DSCAM: variants seen among roughly 807,000 people sequenced by gnomAD.
DSCAM encodes the protein cell adhesion molecule DSCAM.
Under a neutral mutation model 217.7 loss-of-function variants are expected in DSCAM, and 47 were observed. The observed-to-expected ratio is 0.22, with a 90% CI of 0.17 to 0.28. The LOEUF (loss-of-function observed/expected upper bound fraction) is 0.28, where lower values mean the gene tolerates loss of function less well. DSCAM is among the 10% of genes least tolerant of loss of function. DSCAM has a pLI of 1.00. For synonymous variants in DSCAM, 1,056 were observed against 1,015.3 expected (o/e 1.04, Z -0.76); for missense variants, 2,080 against 2,618.3 (o/e 0.79, Z 4.49).
intron 3 of DSCAM, among the ~76,000 whole-genome samples, chr21:40,580,290 TG>T (rs2076894064): frequency 2.0e-5 from 3 of 152,108 alleles, no homozygotes; most frequent in Admixed American, 2.0e-4. Flanking sequence ...CCCAGCACTT[TG>T]GGAGGCCGAG....
intron 16 of DSCAM, among the ~76,000 whole-genome samples, chr21:40,164,105 A>T (rs973945270): frequency 3.3e-5 from 5 of 152,146 alleles, no homozygotes; most frequent in African/African-American, 1.2e-4. Flanking sequence ...AGAACAGTGG[A>T]GGGGATGCAC....
intron 1 of DSCAM, among the ~76,000 whole-genome samples, chr21:40,732,189 A>T (rs147251594): frequency 6.6e-6 from 1 of 152,326 alleles, no homozygotes; most frequent in Non-Finnish European, 1.5e-5. Flanking sequence ...AATGTGATAG[A>T]ATTCTGAAGA....
intron 11 of DSCAM, among the ~76,000 whole-genome samples, chr21:40,220,800 T>C (rs2091283181): frequency 6.6e-6 from 1 of 152,148 alleles, no homozygotes; most frequent in Non-Finnish European, 1.5e-5. Context: ...TGAAAAGCGG[T>C]AGGAAATGCA....
In DSCAM at chr21:40,223,147, G is replaced by A. The variant is rs369973108; in HGVS notation, c.2357-33909C>T. 2.3e-4 allele frequency among the ~76,000 whole-genome samples: 35 copies of A among 152,242 alleles called. No individual in the cohort carries two copies. The South Asian group carries it at 6.2e-3, about 27-fold the overall frequency. ...CAGCCTGCCCTCAGTCCCTGCTCCC[G>A]ATGTGGGAGCCAAGAGGAAGGTGCA... On this transcript the variant is annotated intron_variant, in intron 11 of 32. Coordinates refer to ENST00000400454, the MANE Select transcript of DSCAM (RefSeq NM_001389.5).
chr21:40,072,959 G>C lies in DSCAM; in HGVS notation c.4888+2078C>G, dbSNP rs544844917. Among the ~76,000 whole-genome samples, 53 of 152,258 alleles carry C rather than the reference G, an allele frequency of 3.5e-4. No individual in the cohort carries two copies. The South Asian group carries it at 0.011, about 31-fold the overall frequency. On this transcript the variant is annotated intron_variant, in intron 27 of 32. Coordinates refer to ENST00000400454, the MANE Select transcript of DSCAM (RefSeq NM_001389.5). ...AACACTAGTGTCTGGAAGCAGGGAG[G>C]CCAACAATAAAAATGCCAGCCCCAG...
chr21:40,239,188 C>T (rs1452244761), intron 11 of DSCAM, among the ~76,000 whole-genome samples: 1 of 152,042 alleles, frequency 6.6e-6, no homozygotes, highest in African/African-American at 2.4e-5. Context: ...ACCTTAAATA[C>T]CCGGATACTT....
At chr21:40,358,270 T>C (rs11911007) in intron 4 of DSCAM, among the ~76,000 whole-genome samples, 19,264 of 152,212 alleles carry the variant, frequency 0.13, 2,442 homozygotes, top group African/African-American at 0.33. Context: ...GTAATTCTAA[T>C]GACATTTTTA....
chr21:40,615,577 T>C (rs1430647336), intron 3 of DSCAM: 1 of 152,194 alleles, frequency 6.6e-6, no homozygotes, highest in Non-Finnish European at 1.5e-5. Flanking sequence ...AGATCTTTCA[T>C]TATTTTGAGT....
intron 16 of DSCAM, among the ~76,000 whole-genome samples, chr21:40,160,610 A>G (rs61250273): frequency 0.061 from 9,344 of 152,254 alleles, 825 homozygotes; most frequent in African/African-American, 0.2. Flanking sequence ...ACCTGGTCCA[A>G]TTGTAAAAAT....
chr21:40,781,132 C>G (rs2123427272), intron 1 of DSCAM, among the ~76,000 whole-genome samples: 1 of 152,180 alleles, frequency 6.6e-6, no homozygotes, highest in Non-Finnish European at 1.5e-5. Context: ...CCTCAGCCTC[C>G]AGAGTAGCTG....
chr21:40,776,054 A>C (rs1032258019), intron 1 of DSCAM, among the ~76,000 whole-genome samples: 1 of 152,086 alleles, frequency 6.6e-6, no homozygotes, highest in Non-Finnish European at 1.5e-5. Flanking sequence ...TGCTCATGTG[A>C]CTATCATTAG....
At chr21:40,451,653 C>A (rs1348583479) in intron 3 of DSCAM, among the ~76,000 whole-genome samples, 3 of 152,214 alleles carry the variant, frequency 2.0e-5, no homozygotes, top group African/African-American at 7.2e-5. Context: ...TTAGCCGCAA[C>A]TGTTTCCAGA....
intron 3 of DSCAM, among the ~76,000 whole-genome samples, chr21:40,388,863 T>C (rs1318370692): frequency 1.3e-5 from 2 of 152,192 alleles, no homozygotes; most frequent in African/African-American, 2.4e-5. Flanking sequence ...TCTCCCCACA[T>C]TTTCCCACTT....
chr21:40,145,206 TG>T (rs781736101), intron 16 of DSCAM, among the ~76,000 whole-genome samples: 54 of 152,172 alleles, frequency 3.5e-4, no homozygotes, highest in Middle Eastern at 3.2e-3. Context: ...CGCTGCTGTG[TG>T]CCAGGCCTTG....
At chr21:40,017,460 C>T (rs1294580117) in intron 32 of DSCAM, among the ~76,000 whole-genome samples, 1 of 152,032 alleles carries the variant, frequency 6.6e-6, no homozygotes, top group Non-Finnish European at 1.5e-5. Context: ...CTGGACTGGG[C>T]TCACTGAAAT....
intron 3 of DSCAM, among the ~76,000 whole-genome samples, chr21:40,605,049 T>A (rs191716603): frequency 6.6e-6 from 1 of 152,296 alleles, no homozygotes; most frequent in Admixed American, 6.5e-5. Context: ...ACCTTCTCAC[T>A]TCCCATGCTC....
At chr21:40,267,978 C>A (rs1401153229) in intron 11 of DSCAM, among the ~76,000 whole-genome samples, 5 of 152,140 alleles carry the variant, frequency 3.3e-5, no homozygotes, top group Non-Finnish European at 7.3e-5. Flanking sequence ...TGCGTATATA[C>A]ACAAGTATAT....
chr21:40,711,499 C>T (rs1310862532), intron 1 of DSCAM, among the ~76,000 whole-genome samples: 1 of 152,200 alleles, frequency 6.6e-6, no homozygotes, highest in Non-Finnish European at 1.5e-5. Flanking sequence ...AGCATTGGCA[C>T]AAGGCTGAAT....
rs138342223 is a variant in DSCAM at position 40,765,514 on chromosome 21, C to A, written c.44-56743G>T. On this transcript the variant is annotated intron_variant, in intron 1 of 32. Coordinates refer to ENST00000400454, the MANE Select transcript of DSCAM (RefSeq NM_001389.5). ...TGCAAGTGATATTTCCATTCAAGGA[C>A]CAAAGAAAAAAAATTTTTTTAAACT... Among the ~76,000 whole-genome samples the A allele has an allele frequency of 7.5e-3, 1,148 of 152,110 alleles. 16 individuals are homozygous for A. The highest frequency in any genetic ancestry group is 0.026 in the African/African-American group (1,085 of 41,464).
Sources: gnomAD v4.1 joint callset for allele counts (sites outside exome capture counted in the v4.1 genomes callset) on GRCh38, gnomAD v4.1.1 for gene constraint, MANE v1.5 for transcripts, NCBI Gene and HGNC (gene_info 2026-07-23, HGNC 2026-07-21) for gene names.